NTN1: variants seen among roughly 807,000 people sequenced by gnomAD.
NTN1 encodes netrin-1.
In NTN1, 11 loss-of-function variants were observed where a neutral mutation model predicts 54.2. That is an observed-to-expected ratio of 0.20 (90% CI 0.13 to 0.34). The LOEUF (loss-of-function observed/expected upper bound fraction) is 0.34, where lower values mean the gene tolerates loss of function less well. Among genes scored for constraint, NTN1 ranks in the 10% least tolerant of loss-of-function variants. NTN1 has a pLI of 1.00. For synonymous variants in NTN1, 371 were observed against 382.0 expected, an observed-to-expected ratio of 0.97 and a Z score of 0.33; for missense variants, 740 against 893.1, an observed-to-expected ratio of 0.83 and a Z score of 2.18.
chr17:9,205,308 G>A (rs1904938162), intron 5 of NTN1, among the ~76,000 whole-genome samples: 1 of 152,212 alleles, frequency 6.6e-6, no homozygotes, highest in African/African-American at 2.4e-5. Flanking sequence ...TCTGCCTGAG[G>A]GCTGGGAAGC....
intron 5 of NTN1, among the ~76,000 whole-genome samples, chr17:9,192,715 C>T (rs980524083): frequency 6.6e-6 from 1 of 152,196 alleles, no homozygotes; most frequent in Non-Finnish European, 1.5e-5. Context: ...GCTGGGGCAG[C>T]ACCGGGAGAC....
chr17:9,229,095 AGACTGT>A (rs71135958), intron 6 of NTN1, among the ~76,000 whole-genome samples: 28 of 2,448 alleles, frequency 0.011, no homozygotes, highest in South Asian at 0.024. Context: ...TGTGTGACTG[AGACTGT>A]GACTGTGAGT....
At chr17:9,109,065 C>T (rs745625389) in intron 2 of NTN1, among the ~76,000 whole-genome samples, 3 of 151,958 alleles carry the variant, frequency 2.0e-5, no homozygotes, top group African/African-American at 4.8e-5. Context: ...TTAGTAGAGA[C>T]GGGGTTTCAC....
intron 2 of NTN1, among the ~76,000 whole-genome samples, chr17:9,143,665 G>A (rs2092304723): frequency 6.6e-6 from 1 of 152,138 alleles, no homozygotes; most frequent in Non-Finnish European, 1.5e-5. Context: ...TGTTCTAGAT[G>A]GTCTCCGTTC....
At chr17:9,091,085 T>A (rs2092109007) in intron 2 of NTN1, among the ~76,000 whole-genome samples, 1 of 152,208 alleles carries the variant, frequency 6.6e-6, no homozygotes, top group Non-Finnish European at 1.5e-5. Context: ...TATGTCTCAC[T>A]GCCTACAATA....
rs773439086 is a variant in NTN1, at chr17:9,023,368, C to T, written c.995C>T (p.Ala332Val). 6 of 1,478,160 alleles carry T rather than the reference C, an allele frequency of 4.1e-6. No individual in the cohort carries two copies. Among genetic ancestry groups the T allele is most frequent in the South Asian group, 2.6e-5 (2 of 77,480 alleles). The allele number at this position is 1,478,160 out of a possible 1,614,324, so 91.6% of individuals were successfully genotyped here. The change falls in exon 2 of 7, where the codon GCC (alanine) becomes GTC (valine). Residue 332 changes from alanine to valine, a missense_variant. Transcript: ENST00000173229. ...HYDRPWQRAT[A>V]REANECVACN... ...GACCGGCCCTGGCAGCGCGCCACAG[C>T]CCGCGAAGCCAACGAGTGCGTGGGT...
intron 5 of NTN1, among the ~76,000 whole-genome samples, chr17:9,204,180 C>T (rs1322328902): frequency 6.8e-6 from 1 of 147,502 alleles, no homozygotes; most frequent in Non-Finnish European, 1.5e-5. Flanking sequence ...GTAACCGTTC[C>T]TTCCTTCCTT....
At chr17:9,079,036 C>T (rs2092061057) in intron 2 of NTN1, among the ~76,000 whole-genome samples, 1 of 152,262 alleles carries the variant, frequency 6.6e-6, no homozygotes, top group South Asian at 2.1e-4. Context: ...GCCTCTCCCT[C>T]TACTCCACAT....
At chr17:9,200,796 C>T (rs575566501) in intron 5 of NTN1, among the ~76,000 whole-genome samples, 33 of 152,312 alleles carry the variant, frequency 2.2e-4, no homozygotes, top group Middle Eastern at 3.4e-3. Flanking sequence ...CCTCAAGGGA[C>T]TGGTGTACTG....
In NTN1 at chr17:9,114,164, AAAAT is replaced by A. The variant is rs1478201331; in HGVS notation, c.1019-48647_1019-48644del. On this transcript the variant is annotated intron_variant, in intron 2 of 6. Transcript: ENST00000173229. Reference sequence around the variant, plus strand: ...GTGCCAAAAAAAAAGAAAAAAAAAAAAAATATATATATATATATATATGATTCAG... The same window carrying A: ...GTGCCAAAAAAAAAGAAAAAAAAAAAATATATATATATATATATGATTCAG... Among the ~76,000 whole-genome samples, 212 of 80,478 alleles carry A rather than the reference AAAAT, an allele frequency of 2.6e-3. 2 individuals are homozygous for A. Among genetic ancestry groups the A allele is most frequent in the Non-Finnish European group, 3.8e-3 (158 of 41,862 alleles). 52.8% of individuals were successfully genotyped at this position (80,478 alleles called of 152,430 possible).
chr17:9,030,226 G>A (rs2091884705), intron 2 of NTN1, among the ~76,000 whole-genome samples: 1 of 152,172 alleles, frequency 6.6e-6, no homozygotes, highest in South Asian at 2.1e-4. Flanking sequence ...AGAGGCAGCT[G>A]CTGGCACTCA....
intron 2 of NTN1, among the ~76,000 whole-genome samples, chr17:9,113,683 T>A (rs1227973393): frequency 6.6e-6 from 1 of 151,894 alleles, no homozygotes; most frequent in African/African-American, 2.4e-5. Flanking sequence ...GAGATGGAAA[T>A]AGAGATGTCA....
At chr17:9,172,223 T>C (rs1386300811) in intron 3 of NTN1, among the ~76,000 whole-genome samples, 1 of 151,504 alleles carries the variant, frequency 6.6e-6, no homozygotes, top group Non-Finnish European at 1.5e-5. Flanking sequence ...CTAGGCGGGG[T>C]GCGGTGGCTC....
chr17:9,100,051 T>C (rs1330453312), intron 2 of NTN1, among the ~76,000 whole-genome samples: 2 of 151,436 alleles, frequency 1.3e-5, no homozygotes, highest in Non-Finnish European at 2.9e-5. Context: ...TGAGCTCAAA[T>C]GATCCTCCCA....
intron 6 of NTN1, among the ~76,000 whole-genome samples, chr17:9,228,901 T>C (rs1905695277): frequency 1.9e-5 from 1 of 53,430 alleles, no homozygotes; most frequent in Non-Finnish European, 3.6e-5. Flanking sequence ...TGTGATTGTG[T>C]TCGTGACTGT....
intron 5 of NTN1, among the ~76,000 whole-genome samples, chr17:9,188,153 G>A (rs955210389): frequency 5.3e-5 from 8 of 152,180 alleles, no homozygotes; most frequent in African/African-American, 1.9e-4. Context: ...ATCTGGCTGG[G>A]TGCAGTGGCT....
chr17:9,189,135 T>C (rs1904382167), intron 5 of NTN1, among the ~76,000 whole-genome samples: 1 of 152,212 alleles, frequency 6.6e-6, no homozygotes, highest in Admixed American at 6.5e-5. Flanking sequence ...AGGCACTGTT[T>C]CAAATGCTCT....
At chr17:9,017,448 T>C (rs1286158022), upstream of NTN1, among the ~76,000 whole-genome samples, 1 of 152,228 alleles carries the variant, frequency 6.6e-6, no homozygotes, top group Non-Finnish European at 1.5e-5. Flanking sequence ...GACTCAACAC[T>C]GCTCAGCACC....
chr17:9,146,298 C>T (rs377401599), intron 2 of NTN1, among the ~76,000 whole-genome samples: 3 of 152,184 alleles, frequency 2.0e-5, no homozygotes, highest in South Asian at 2.1e-4. Flanking sequence ...GTCACTGTTA[C>T]GGTGGCTGAG....
Sources: allele counts gnomAD v4.1 joint callset (sites outside exome capture counted in the v4.1 genomes callset), GRCh38; gene constraint gnomAD v4.1.1; transcripts MANE v1.5; gene names NCBI Gene and HGNC (gene_info 2026-07-23, HGNC 2026-07-21).